The following PDZD4 variants were observed in gnomAD, a reference collection of about 807,000 sequenced individuals.
PDZD4 encodes PDZ domain containing 4.
In PDZD4, 9 loss-of-function variants were observed where a neutral mutation model predicts 38.5. The ratio of observed to expected loss-of-function variants is 0.23; its 90% CI spans 0.14 to 0.41. The LOEUF is 0.41. Among genes scored for constraint, PDZD4 ranks in the 10% least tolerant of loss-of-function variants. The probability of loss-of-function intolerance (pLI) is 1.00; values close to 1 mark genes in which losing one functional copy is unlikely to be tolerated. For synonymous variants in PDZD4, 349 were observed against 315.7 expected, an observed-to-expected ratio of 1.11 and a Z score of -1.12; for missense variants, 612 against 722.0, an observed-to-expected ratio of 0.85 and a Z score of 1.75.
rs1280347250 is a variant in PDZD4, at chrX:153,803,259, G to A, written c.*94C>T. On this transcript the variant is annotated 3_prime_UTR_variant, in exon 8 of 8. Transcript: ENST00000393758. ...GCGTGCGCACAGCGAGCACGCGCGCGCGCACACACACACACACACAATCTC... is the reference window on the plus strand; with the variant it reads ...GCGTGCGCACAGCGAGCACGCGCGCACGCACACACACACACACACAATCTC... 5.9e-6 allele frequency: 4 copies of A among 673,332 alleles called. No individual in the cohort carries two copies. The highest frequency in any genetic ancestry group is 2.3e-5 in the African/African-American group (1 of 44,149). The allele number at this position is 673,332 out of a possible 1,213,427, so 55.5% of individuals were successfully genotyped here. A position where few individuals can be genotyped will look rare whatever the true frequency, so the allele number is the denominator to read the frequency against.
Position 153,821,189 on chromosome X carries a change from G to A in PDZD4, c.60+9050C>T, listed in dbSNP as rs782081421. Among the ~76,000 whole-genome samples, 14 of 111,286 alleles carry A rather than the reference G, an allele frequency of 1.3e-4. No homozygotes were observed. The East Asian group carries it at 4.0e-3, about 32-fold the overall frequency. On this transcript the variant is annotated intron_variant, in intron 1 of 7. Transcript: ENST00000393758. Reference sequence around the variant, plus strand: ...CTCTGTGCCCACCCTTTCTGCCTGGGGGCAGGAGAGACAGAAACATGGGAG... The same window carrying A: ...CTCTGTGCCCACCCTTTCTGCCTGGAGGCAGGAGAGACAGAAACATGGGAG...
intron 1 of PDZD4, among the ~76,000 whole-genome samples, chrX:153,824,678 G>C (rs1452356146): frequency 8.9e-6 from 1 of 111,882 alleles, no homozygotes; most frequent in African/African-American, 3.2e-5. Flanking sequence ...TTGCCTACAT[G>C]TTGGCGATGG....
At chrX:153,810,692 CA>C (rs1382869133) in intron 1 of PDZD4, among the ~76,000 whole-genome samples, 5 of 112,635 alleles carry the variant, frequency 4.4e-5, no homozygotes, top group Non-Finnish European at 9.4e-5. Context: ...ATTCTGACGG[CA>C]AAATCTTGTC....
Position 153,808,381 on chromosome X carries a change from G to A in PDZD4, c.275C>T (p.Pro92Leu), listed in dbSNP as rs781856117. The A allele has an allele frequency of 9.1e-6, 11 of 1,210,657 alleles. No homozygotes were observed. The highest frequency in any genetic ancestry group is 3.0e-5 in the East Asian group (1 of 33,799). The change falls in exon 2 of 8, where the codon CCG becomes CTG. Residue 92 changes from proline (P) to leucine (L), a missense_variant. By Grantham distance (98) the Pro-to-Leu change is moderately conservative. Transcript: ENST00000393758. Reference sequence around the variant, plus strand: ...GTACGGCTCCAGGATGACCATGGGCGGGGTGGGCGGACGCAGCTTGCCCAG... The same window carrying A: ...GTACGGCTCCAGGATGACCATGGGCAGGGTGGGCGGACGCAGCTTGCCCAG... ...MALGKLRPPT[P>L]PMVILEPYVL... is the part of the protein sequence containing the mutation.
chrX:153,824,636 C>T (rs1332951930), intron 1 of PDZD4, among the ~76,000 whole-genome samples: 5 of 111,514 alleles, frequency 4.5e-5, no homozygotes, highest in African/African-American at 1.6e-4. Flanking sequence ...GCCACGCTCC[C>T]GCACTCAAGC....
chrX:153,829,619 C>T, intron 1 of PDZD4: 1 of 598,960 alleles, frequency 1.7e-6, no homozygotes, highest in Non-Finnish European at 2.0e-6. Context: ...AGCTCCGGGC[C>T]CCGCGTCTCC....
rs1557078020 is a variant in PDZD4 at position 153,808,524 on chromosome X, G to A, written c.132C>T (p.Pro44=). The stretch of plus-strand genomic sequence containing the variant: ...TGCGTCTCAGCACCTGGATCACCAG[G>A]GGCTCCTTGGAGGAGCGCAGGGCCT... ...TLQALRSSKE[P]LVIQVLRRSP... Residue 44 remains proline (P), a synonymous_variant, in exon 2 of 8, where the codon CCC becomes CCT. Transcript: ENST00000393758. 1 of 1,208,722 alleles carries A rather than the reference G, an allele frequency of 8.3e-7. No homozygotes were observed. The highest frequency in any genetic ancestry group is 1.1e-6 in the Non-Finnish European group (1 of 894,117).
At chrX:153,820,503 CAGAG>C (rs1241217442) in intron 1 of PDZD4, among the ~76,000 whole-genome samples, 1 of 110,534 alleles carries the variant, frequency 9.0e-6, no homozygotes, top group Non-Finnish European at 1.9e-5. Flanking sequence ...CTGGGTGACA[CAGAG>C]AGACTCCATC....
intron 6 of PDZD4, 41 bp from the exon 7 acceptor site, chrX:153,805,248 C>G (rs1557076523): frequency 9.2e-7 from 1 of 1,087,164 alleles, no homozygotes; most frequent in African/African-American, 1.8e-5. Context: ...CTTCAAGGAC[C>G]TCCCCATATA....
chrX:153,812,230 G>A (rs1243266470), intron 1 of PDZD4, among the ~76,000 whole-genome samples: 2 of 106,220 alleles, frequency 1.9e-5, no homozygotes, highest in Non-Finnish European at 3.9e-5. Context: ...CCAAATCAGG[G>A]CTTTTTGTCT....
Position 153,804,646 on chromosome X carries a change from C to T in PDZD4, c.1035G>A (p.Ala345=), listed in dbSNP as rs1013601309. The T allele has an allele frequency of 5.0e-6, 6 of 1,209,311 alleles. No homozygotes were observed. In the South Asian group the frequency reaches 1.1e-4, roughly 21 times the overall value. ...CCGGGACGTCGCCCCCTCCCAGCCC[C>T]GCCCCCTCGGCCAGCAGAGAGTCCA... is the stretch of plus-strand genomic sequence containing the variant. ...FSMDSLLAEG[A]GLGGGDVPGL... The change falls in exon 8 of 8, where the codon GCG becomes GCA. Residue 345 remains alanine (A), a synonymous_variant. Coordinates refer to ENST00000393758, the MANE Select transcript of PDZD4 (RefSeq NM_001303512.2).
At chrX:153,814,769 C>T (rs190908235) in intron 1 of PDZD4, among the ~76,000 whole-genome samples, 1 of 111,014 alleles carries the variant, frequency 9.0e-6, no homozygotes, top group East Asian at 2.9e-4. Context: ...CTCATCTTCT[C>T]CAGTGCTCCC....
chrX:153,805,027 A>C, intron 7 of PDZD4, 70 bp downstream of exon 7: 1 of 1,137,612 alleles, frequency 8.8e-7, no homozygotes, highest in Non-Finnish European at 1.2e-6. Flanking sequence ...GAGACCCTGC[A>C]CAGCCTCAGC....
rs2064263947 is a variant in PDZD4, at chrX:153,807,519, G to A, written c.315-150C>T. On this transcript the variant is annotated intron_variant, in intron 2 of 7. Coordinates refer to ENST00000393758, the MANE Select transcript of PDZD4 (RefSeq NM_001303512.2). ...GGGTGGCCCAGTTGCCTCCTGCAGA[G>A]CCCCTTCCTGGGCAACATGCAGCCA... The A allele has an allele frequency of 5.2e-6, 3 of 581,133 alleles. No homozygotes were observed. In the Admixed American group the frequency reaches 1.1e-4, roughly 22 times the overall value. The allele number at this position is 581,133 out of a possible 1,213,427, so 47.9% of individuals were successfully genotyped here.
chrX:153,817,392 T>C (rs2064374052), intron 1 of PDZD4, among the ~76,000 whole-genome samples: 1 of 111,515 alleles, frequency 9.0e-6, no homozygotes, highest in Admixed American at 9.5e-5. Flanking sequence ...TGTCCACCAG[T>C]GGATGAATGG....
intron 1 of PDZD4, among the ~76,000 whole-genome samples, chrX:153,819,090 C>T (rs2064393021): frequency 8.9e-6 from 1 of 112,657 alleles, no homozygotes; most frequent in African/African-American, 3.2e-5. Context: ...AGCCCGGAGC[C>T]GCAGACAAAG....
At chrX:153,804,936 C>T (rs1557076397) in intron 7 of PDZD4, 36 bp from the exon 8 acceptor site, 1 of 1,172,848 alleles carries the variant, frequency 8.5e-7, no homozygotes. Flanking sequence ...CAGTTAGGTC[C>T]CACGGACAGG....
At position 153,806,067 on chromosome X, in the gene PDZD4, T is replaced by A. The variant is rs1158296177; in HGVS notation, c.567+4A>T. 8.3e-7 allele frequency: 1 copy of A among 1,210,108 alleles called. No homozygotes were observed. The highest frequency in any genetic ancestry group is 2.2e-5 in the Admixed American group (1 of 45,939). On this transcript the variant is annotated splice_donor_region_variant and intron_variant, in intron 5 of 7. Transcript: ENST00000393758. ...GGCCAGGCCTGCAGCCTGCAAGTGC[T>A]CACCTGGATGATGCGGTCTCCCTCA...
At chrX:153,807,798 C>T (rs2064268668) in intron 2 of PDZD4, 29 of 942,263 alleles carry the variant, frequency 3.1e-5, no homozygotes, top group Non-Finnish European at 3.9e-5. Flanking sequence ...CCTCCAGGGG[C>T]TGCCCTCCTG....
Sources: gnomAD v4.1 joint callset for allele counts (sites outside exome capture counted in the v4.1 genomes callset) on GRCh38, gnomAD v4.1.1 for gene constraint, MANE v1.5 for transcripts, NCBI Gene and HGNC (gene_info 2026-07-23, HGNC 2026-07-21) for gene names.